GNE: variants seen among roughly 807,000 people sequenced by gnomAD.
GNE encodes bifunctional UDP-N-acetylglucosamine 2-epimerase/N-acetylmannosamine kinase.
A neutral mutation model predicts 61.8 loss-of-function variants in GNE; 41 were observed. That is an observed-to-expected ratio of 0.66 (90% CI 0.52 to 0.86). GNE has a LOEUF of 0.86. Among genes scored for constraint, GNE ranks in the 40% least tolerant of loss-of-function variants. The probability of loss-of-function intolerance (pLI) is 0.00; values close to 1 mark genes in which losing one functional copy is unlikely to be tolerated. For missense variants in GNE, 608 were observed against 909.1 expected, an observed-to-expected ratio of 0.67 and a Z score of 4.26; for synonymous variants, 264 against 326.4, an observed-to-expected ratio of 0.81 and a Z score of 2.06.
chr9:36,260,596 G>T (rs967785158), upstream of GNE, among the ~76,000 whole-genome samples: 1 of 151,934 alleles, frequency 6.6e-6, no homozygotes, highest in Non-Finnish European at 1.5e-5. Flanking sequence ...TTGGCCAGGC[G>T]CGGTGGCTCA....
Position 36,216,327 on chromosome 9 carries a change from A to ATGTGTGTGTGGGTGTGTGTG in GNE, c.*1037_*1038insCACACACACCCACACACACA. Reference sequence around the variant, plus strand: ...TTAGTTTGGGGTTAGAGGAGGAAGGATGTGTGTGTGTGTGTGTGTGTGTGT... The same window carrying ATGTGTGTGTGGGTGTGTGTG: ...TTAGTTTGGGGTTAGAGGAGGAAGGATGTGTGTGTGGGTGTGTGTGTGTGTGTGTGTGTGTGTGTGTGTGT... On this transcript the variant is annotated 3_prime_UTR_variant, in exon 12 of 12. Coordinates refer to ENST00000642385, the MANE Select transcript of GNE (RefSeq NM_005476.7). 2.8e-6 allele frequency: 1 copy of ATGTGTGTGTGGGTGTGTGTG among 355,724 alleles called. No homozygotes were observed. Among genetic ancestry groups the ATGTGTGTGTGGGTGTGTGTG allele is most frequent in the Non-Finnish European group, 5.8e-6 (1 of 171,796 alleles). The allele number at this position is 355,724 out of a possible 1,614,324, so 22.0% of individuals were successfully genotyped here.
chr9:36,217,342 G>T lies in GNE; in HGVS notation c.*23C>A. On this transcript the variant is annotated 3_prime_UTR_variant, in exon 12 of 12. Coordinates refer to ENST00000642385, the MANE Select transcript of GNE (RefSeq NM_005476.7). ...TTCCACTCAGGAGCTCTGGAGAGAA[G>T]GTCCATGTCTGTTCCTGGAGGTCTA... 6.8e-7 allele frequency: 1 copy of T among 1,468,890 alleles called. No individual in the cohort carries two copies. The highest frequency in any genetic ancestry group is 9.5e-7 in the Non-Finnish European group (1 of 1,049,442). The allele number at this position is 1,468,890 out of a possible 1,614,324, so 91.0% of individuals were successfully genotyped here.
intron 5 of GNE, among the ~76,000 whole-genome samples, chr9:36,230,495 TG>T (rs1379108343): frequency 6.6e-6 from 1 of 151,868 alleles, no homozygotes; most frequent in Non-Finnish European, 1.5e-5. Flanking sequence ...AGTCTTGCTC[TG>T]TCACCCTGGC....
rs998631740 is a variant in GNE at position 36,218,398 on chromosome 9, G to A, written c.1817-99C>T. On this transcript the variant is annotated intron_variant, in intron 10 of 11. Coordinates refer to ENST00000642385, the MANE Select transcript of GNE (RefSeq NM_005476.7). The surrounding 1 kb of genome is among the most constrained non-coding windows in gnomAD (Gnocchi z 4.1). ...AAGCAAGCCCCTACATGGGAAGACG[G>A]TGTTTTCTTTTCACAATTGCAAAGC... The A allele has an allele frequency of 1.2e-6, 1 of 836,272 alleles. No individual in the cohort carries two copies. The highest frequency in any genetic ancestry group is 1.7e-5 in the African/African-American group (1 of 60,404). The allele number at this position is 836,272 out of a possible 1,614,324, so 51.8% of individuals were successfully genotyped here.
chr9:36,236,925 T>C lies in GNE; in HGVS notation c.676A>G (p.Ile226Val). Residue 226 changes from isoleucine (I) to valine (V), a missense_variant, in exon 4 of 12, where the codon ATT becomes GTT. Transcript: ENST00000642385. ...VALQHPVTTD[I>V]KHSIKMFELT... The stretch of plus-strand genomic sequence containing the variant: ...TCAAACATTTTTATGGAATGCTTAA[T>C]GTCAGTGGTCACAGGGTGCTGTAGT... 1.2e-6 allele frequency: 2 copies of C among 1,611,442 alleles called. No individual in the cohort carries two copies. Among genetic ancestry groups the C allele is most frequent in the Non-Finnish European group, 1.7e-6 (2 of 1,177,562 alleles).
At chr9:36,244,438 A>T (rs1344715023) in intron 3 of GNE, among the ~76,000 whole-genome samples, 1 of 152,196 alleles carries the variant, frequency 6.6e-6, no homozygotes, top group East Asian at 1.9e-4. Context: ...TCTGATTAGC[A>T]AAAGATAATT....
At position 36,229,105 on chromosome 9, in the gene GNE, T is replaced by C. The variant is rs759568545; in HGVS notation, c.986A>G (p.Glu329Gly). 1.3e-6 allele frequency: 2 copies of C among 1,586,320 alleles called. No homozygotes were observed. Among genetic ancestry groups the C allele is most frequent in the Non-Finnish European group, 1.7e-6 (2 of 1,154,740 alleles). Residue 329 changes from glutamate (E) to glycine (G), a missense_variant, in exon 6 of 12, where the codon GAG becomes GGG. Coordinates refer to ENST00000642385, the MANE Select transcript of GNE (RefSeq NM_005476.7). ...AGCATCCCGGACATGAAGAACATTC[T>C]CCCCTAGGTAAAACCAGTGACACAT... ...GTRQIGRETGENVLHVRDADT... is the reference protein window; with the variant it reads ...GTRQIGRETGGNVLHVRDADT...
At chr9:36,223,721 T>C (rs1161297031) in intron 7 of GNE, among the ~76,000 whole-genome samples, 1 of 151,598 alleles carries the variant, frequency 6.6e-6, no homozygotes, top group East Asian at 1.9e-4. Context: ...GTTGAAGCAA[T>C]GACAACTCCA....
Position 36,217,472 on chromosome 9 carries a change from A to G in GNE, c.2062T>C (p.Leu688=), listed in dbSNP as rs1828376679. 1 of 1,614,004 alleles carries G rather than the reference A, an allele frequency of 6.2e-7. No homozygotes were observed. The highest frequency in any genetic ancestry group is 8.5e-7 in the Non-Finnish European group (1 of 1,179,966). Residue 688 remains leucine (L), a synonymous_variant, in exon 12 of 12, where the codon TTG becomes CTG. Transcript: ENST00000642385. ...ACATCCACGTCCTGCACGGAGGACAAGGCCTGCTGGCGAATGACGTCTTTG... is the reference window on the plus strand; with the variant it reads ...ACATCCACGTCCTGCACGGAGGACAGGGCCTGCTGGCGAATGACGTCTTTG... ...IVKDVIRQQA[L]SSVQDVDVVV... is the part of the protein sequence containing the mutation.
At position 36,218,394 on chromosome 9, in the gene GNE, G is replaced by A; in HGVS notation, c.1817-95C>T. The A allele has an allele frequency of 2.3e-6, 2 of 851,186 alleles. No individual in the cohort carries two copies. The highest frequency in any genetic ancestry group is 1.3e-5 in the South Asian group (1 of 74,096). The allele number at this position is 851,186 out of a possible 1,614,324, so 52.7% of individuals were successfully genotyped here. ...TGGAAAGCAAGCCCCTACATGGGAAGACGGTGTTTTCTTTTCACAATTGCA... is the reference window on the plus strand; with the variant it reads ...TGGAAAGCAAGCCCCTACATGGGAAAACGGTGTTTTCTTTTCACAATTGCA... On this transcript the variant is annotated intron_variant, in intron 10 of 11. Coordinates refer to ENST00000642385, the MANE Select transcript of GNE (RefSeq NM_005476.7). This position sits in a 1 kb window ranked among gnomAD's most constrained non-coding sequence, Gnocchi z 4.1.
At chr9:36,265,334 A>G in intron 1 of GNE, 2 of 448,900 alleles carry the variant, frequency 4.5e-6, no homozygotes, top group South Asian at 3.1e-5. Flanking sequence ...GCTTGCTGCC[A>G]TCTTGGAAGC....
chr9:36,246,298 G>A lies in GNE; in HGVS notation c.349C>T (p.Leu117=). 6.2e-7 allele frequency: 1 copy of A among 1,614,184 alleles called. No homozygotes were observed. The highest frequency in any genetic ancestry group is 8.5e-7 in the Non-Finnish European group (1 of 1,180,024). Residue 117 remains leucine, a synonymous_variant, in exon 3 of 12, where the codon CTG becomes TTG. Coordinates refer to ENST00000642385, the MANE Select transcript of GNE (RefSeq NM_005476.7). ...MIVHGDRFDA[L]ALATSAALMN... ...AAGGCAGCAGATGTGGCCAGAGCCAGGGCATCAAACCTGTCTCCATGAACA... is the reference window on the plus strand; with the variant it reads ...AAGGCAGCAGATGTGGCCAGAGCCAAGGCATCAAACCTGTCTCCATGAACA...
intron 5 of GNE, among the ~76,000 whole-genome samples, chr9:36,233,583 C>T (rs1056568252): frequency 2.6e-5 from 4 of 151,904 alleles, no homozygotes; most frequent in Non-Finnish European, 4.4e-5. Context: ...AGGAGAATGG[C>T]GTGAACCTGG....
Position 36,218,109 on chromosome 9 carries a change from T to C in GNE, c.1933+74A>G, listed in dbSNP as rs1266875761. 2 of 990,422 alleles carry C rather than the reference T, an allele frequency of 2.0e-6. No homozygotes were observed. Among genetic ancestry groups the C allele is most frequent in the Non-Finnish European group, 3.3e-6 (2 of 611,462 alleles). 61.4% of individuals were successfully genotyped at this position (990,422 alleles called of 1,614,324 possible). ...CTGTCCCTAGGGAAGCAGGGTCTCTTCTGGGGCCGGGCTGGGCCATATGAT... is the reference window on the plus strand; with the variant it reads ...CTGTCCCTAGGGAAGCAGGGTCTCTCCTGGGGCCGGGCTGGGCCATATGAT... On this transcript the variant is annotated intron_variant, in intron 11 of 11. Transcript: ENST00000642385. This position sits in a 1 kb window ranked among gnomAD's most constrained non-coding sequence, Gnocchi z 4.1.
intron 7 of GNE, among the ~76,000 whole-genome samples, chr9:36,223,885 G>A (rs1253361852): frequency 1.3e-5 from 2 of 151,856 alleles, no homozygotes; most frequent in Non-Finnish European, 2.9e-5. Context: ...CCAGGTAGCT[G>A]GGATTACAGG....
chr9:36,251,734 G>C (rs1207097473), intron 1 of GNE, among the ~76,000 whole-genome samples: 1 of 151,962 alleles, frequency 6.6e-6, no homozygotes, highest in Non-Finnish European at 1.5e-5. Flanking sequence ...CAATTCTAGG[G>C]GTGCCATCCT....
In GNE at chr9:36,276,882, C is replaced by T. The variant is rs374490097; in HGVS notation, c.51+12G>A. ...TCAATAATAAAGCTCTATTGAATTC[C>T]GAATTACTTACATGAGGTCCTTGAA... On this transcript the variant is annotated intron_variant, in intron 1 of 11. Coordinates refer to the GNE transcript ENST00000396594. The T allele has an allele frequency of 1.9e-5, 30 of 1,596,688 alleles. No homozygotes were observed. The highest frequency in any genetic ancestry group is 5.4e-5 in the African/African-American group (4 of 74,214).
chr9:36,268,540 AC>A (rs1830893958), intron 1 of GNE, among the ~76,000 whole-genome samples: 1 of 151,570 alleles, frequency 6.6e-6, no homozygotes, highest in Non-Finnish European at 1.5e-5. Context: ...CGTGGCATGC[AC>A]CTGGAGTAAC....
chr9:36,228,596 C>T lies in GNE; in HGVS notation c.1070+425G>A, dbSNP rs373803673. Among the ~76,000 whole-genome samples, 4 of 151,810 alleles carry T rather than the reference C, an allele frequency of 2.6e-5. No homozygotes were observed. In the East Asian group the frequency reaches 5.8e-4, roughly 22 times the overall value. ...TCACCTGAGGTCAGGAGTTTTGAGACCAGCTTGCCCAACATGGTGAAACCC... is the reference window on the plus strand; with the variant it reads ...TCACCTGAGGTCAGGAGTTTTGAGATCAGCTTGCCCAACATGGTGAAACCC... On this transcript the variant is annotated intron_variant, in intron 6 of 11. Transcript: ENST00000642385.
Sources: gnomAD v4.1 joint callset for allele counts (sites outside exome capture counted in the v4.1 genomes callset) on GRCh38, gnomAD v4.1.1 for gene constraint, Gnocchi (gnomAD v3.1) non-coding constraint, MANE v1.5 for transcripts, NCBI Gene and HGNC (gene_info 2026-07-23, HGNC 2026-07-21) for gene names.